ANXA6: variants seen among roughly 807,000 people sequenced by gnomAD.
The protein encoded by ANXA6 is 67 kDa calelectrin.
A neutral mutation model predicts 95.4 loss-of-function variants in ANXA6; 71 were observed. The ratio of observed to expected loss-of-function variants is 0.74; its 90% CI spans 0.61 to 0.91. ANXA6 has a LOEUF of 0.91. Among genes scored for constraint, ANXA6 ranks in the 40% least tolerant of loss-of-function variants. The pLI is 0.00. For synonymous variants in ANXA6, 289 were observed against 315.9 expected, an observed-to-expected ratio of 0.91 and a Z score of 0.90; for missense variants, 830 against 876.4, an observed-to-expected ratio of 0.95 and a Z score of 0.67.
chr5:151,156,854 A>G (rs1766249547), intron 1 of ANXA6, among the ~76,000 whole-genome samples: 1 of 152,186 alleles, frequency 6.6e-6, no homozygotes, highest in Non-Finnish European at 1.5e-5. Flanking sequence ...CCTTTGAAAG[A>G]GACTGGGTTT....
chr5:151,147,374 C>G (rs1339949721), intron 2 of ANXA6, among the ~76,000 whole-genome samples: 1 of 152,196 alleles, frequency 6.6e-6, no homozygotes, highest in Non-Finnish European at 1.5e-5. Context: ...CCTCCTTGCT[C>G]CAAGAAAGAA....
intron 10 of ANXA6, 30 bp downstream of exon 10, chr5:151,132,446 A>G: frequency 1.9e-6 from 3 of 1,556,298 alleles, no homozygotes; most frequent in Non-Finnish European, 2.6e-6. Context: ...AATCCCCTAA[A>G]GCCCCCAGGA....
chr5:151,132,473 T>G lies in ANXA6; in HGVS notation c.736+3A>C, dbSNP rs1203785368. 1 of 1,609,786 alleles carries G rather than the reference T, an allele frequency of 6.2e-7. No individual in the cohort carries two copies. The highest frequency in any genetic ancestry group is 8.5e-7 in the Non-Finnish European group (1 of 1,178,112). Reference sequence around the variant, plus strand: ...CCCCCAGGAATGCAACGTCAGGACATACCTACGGCCAGCATTAGCTTCTCA... The same window carrying G: ...CCCCCAGGAATGCAACGTCAGGACAGACCTACGGCCAGCATTAGCTTCTCA... On this transcript the variant is annotated splice_donor_region_variant and intron_variant, in intron 10 of 25. Transcript: ENST00000354546.
At chr5:151,140,083 C>T in intron 3 of ANXA6, 70 bp downstream of exon 3, 1 of 1,424,740 alleles carries the variant, frequency 7.0e-7, no homozygotes, top group Non-Finnish European at 9.7e-7. Flanking sequence ...ACCACCACCA[C>T]CAGAAGGGCT....
intron 17 of ANXA6, among the ~76,000 whole-genome samples, chr5:151,119,884 AT>A (rs1203668242): frequency 6.6e-6 from 1 of 151,976 alleles, no homozygotes; most frequent in African/African-American, 2.4e-5. Flanking sequence ...AAAATGCTAA[AT>A]TTTTTTTCTT....
intron 18 of ANXA6, among the ~76,000 whole-genome samples, chr5:151,118,385 C>CT (rs1765065268): frequency 6.6e-6 from 1 of 152,052 alleles, no homozygotes; most frequent in Non-Finnish European, 1.5e-5. Flanking sequence ...CCTCAGTCTC[C>CT]TGAGTAGCTG....
At chr5:151,119,649 A>T (rs1765106427) in intron 17 of ANXA6, among the ~76,000 whole-genome samples, 1 of 152,202 alleles carries the variant, frequency 6.6e-6, no homozygotes, top group Non-Finnish European at 1.5e-5. Context: ...TGTGTATAAC[A>T]CCACATATAC....
At chr5:151,131,411 C>T (rs568793101) in intron 10 of ANXA6, 122 bp from the exon 11 acceptor site, 13 of 983,376 alleles carry the variant, frequency 1.3e-5, no homozygotes, top group South Asian at 7.0e-5. Context: ...GAAGAACCAC[C>T]GTTCCTGATA....
intron 22 of ANXA6, among the ~76,000 whole-genome samples, chr5:151,109,194 C>G (rs988744406): frequency 6.6e-6 from 1 of 152,106 alleles, no homozygotes; most frequent in African/African-American, 2.4e-5. Context: ...TATGTTAAAG[C>G]ACCTTAAATA....
chr5:151,138,507 T>C (rs17728578), intron 5 of ANXA6, among the ~76,000 whole-genome samples, 171 bp downstream of exon 5: 3 of 152,104 alleles, frequency 2.0e-5, no homozygotes, highest in African/African-American at 4.8e-5. Flanking sequence ...TCTGTCTGCA[T>C]CTCTCTGTGT....
chr5:151,116,923 T>G (rs1001029714), intron 20 of ANXA6, among the ~76,000 whole-genome samples: 4 of 152,238 alleles, frequency 2.6e-5, no homozygotes, highest in Non-Finnish European at 4.4e-5. Flanking sequence ...CTGAGGGTCC[T>G]GCTATTCACC....
chr5:151,123,011 C>G lies in ANXA6; in HGVS notation c.1139G>C (p.Gly380Ala). ...ATCGATGATTGTGTCTTCGTCAGTC[C>G]CTGAGTCACCAAAGCCACATGCCTC... is the stretch of plus-strand genomic sequence containing the variant. Reference protein sequence around the residue: ...KALRKAMKGLGTDEDTIIDII... With the variant: ...KALRKAMKGLATDEDTIIDII... Residue 380 changes from glycine (G) to alanine (A), a missense_variant and splice_region_variant, in exon 16 of 26, where the codon GGG (glycine) becomes GCG (alanine). Gly to Ala is a moderately conservative substitution (Grantham distance 60). Transcript: ENST00000354546. 1 of 1,613,182 alleles carries G rather than the reference C, an allele frequency of 6.2e-7. No homozygotes were observed. The highest frequency in any genetic ancestry group is 1.1e-5 in the South Asian group (1 of 91,076).
intron 20 of ANXA6, among the ~76,000 whole-genome samples, chr5:151,116,680 G>A (rs546150098): frequency 4.6e-5 from 7 of 152,266 alleles, no homozygotes; most frequent in Admixed American, 3.3e-4. Context: ...TTCTAGGCTC[G>A]TCCCAGGACA....
chr5:151,131,332 A>G lies in ANXA6; in HGVS notation c.737-43T>C. 1.9e-6 allele frequency: 3 copies of G among 1,600,318 alleles called. No homozygotes were observed. In the South Asian group the frequency reaches 3.3e-5, roughly 18 times the overall value. Reference sequence around the variant, plus strand: ...GAGGTAGAGTTATTCTGGCTGCCTCAGAAGGGGGATGGGATGGCCTGACTC... The same window carrying G: ...GAGGTAGAGTTATTCTGGCTGCCTCGGAAGGGGGATGGGATGGCCTGACTC... On this transcript the variant is annotated intron_variant, in intron 10 of 25. Coordinates refer to ENST00000354546, the MANE Select transcript of ANXA6 (RefSeq NM_001155.5).
chr5:151,134,437 T>G lies in ANXA6; in HGVS notation c.536A>C (p.Gln179Pro). Reference protein sequence around the residue: ...DDVVSEDLVQQDVQDLYEAGE... With the variant: ...DDVVSEDLVQPDVQDLYEAGE... Reference sequence around the variant, plus strand: ...GTGGTGCTTGTTTACCTGGACATCCTGTTGTACCAGGTCCTCGCTCACTAC... The same window carrying G: ...GTGGTGCTTGTTTACCTGGACATCCGGTTGTACCAGGTCCTCGCTCACTAC... Residue 179 changes from glutamine (Q) to proline (P), a missense_variant, in exon 8 of 26, where the codon CAG becomes CCG. Physicochemically the swap from Gln to Pro is moderately conservative, Grantham distance 76. Transcript: ENST00000354546. The G allele has an allele frequency of 2.5e-6, 4 of 1,613,954 alleles. No homozygotes were observed. The highest frequency in any genetic ancestry group is 3.4e-6 in the Non-Finnish European group (4 of 1,179,858).
chr5:151,146,858 C>T (rs544462477), intron 2 of ANXA6, among the ~76,000 whole-genome samples: 11 of 152,314 alleles, frequency 7.2e-5, no homozygotes, highest in African/African-American at 2.6e-4. Context: ...ATGATCTCAG[C>T]TCATCACAGC....
intron 1 of ANXA6, among the ~76,000 whole-genome samples, chr5:151,154,333 T>TATATATATATATATA (rs1561588333): frequency 7.5e-6 from 1 of 132,782 alleles, no homozygotes; most frequent in Non-Finnish European, 1.6e-5. Context: ...ATATATATAT[T>TATATATATATATATA]GATCCCATAC....
chr5:151,117,946 A>AG, intron 18 of ANXA6, 109 bp from the exon 19 acceptor site: 1 of 836,384 alleles, frequency 1.2e-6, no homozygotes, highest in Non-Finnish European at 2.0e-6. Context: ...TGGCAGGGGG[A>AG]GGTGGGGATG....
intron 17 of ANXA6, among the ~76,000 whole-genome samples, chr5:151,121,038 G>A (rs1280354180): frequency 2.6e-5 from 4 of 152,140 alleles, no homozygotes; most frequent in East Asian, 3.8e-4. Context: ...TCTTTAGATC[G>A]TTTGCTTTTT....
Sources: allele counts gnomAD v4.1 joint callset (sites outside exome capture counted in the v4.1 genomes callset), GRCh38; gene constraint gnomAD v4.1.1; transcripts MANE v1.5; gene names NCBI Gene and HGNC (gene_info 2026-07-23, HGNC 2026-07-21).